DNM3: variants seen among roughly 807,000 people sequenced by gnomAD.
DNM3 encodes dynamin 3.
DNM3 carries 47 observed loss-of-function variants against 101.6 expected under a neutral mutation model. That is an observed-to-expected ratio of 0.46 (90% CI 0.37 to 0.59). DNM3 has a LOEUF of 0.59. Among genes scored for constraint, DNM3 ranks in the 20% least tolerant of loss-of-function variants. DNM3 has a pLI of 0.00. For synonymous variants in DNM3, 385 were observed against 387.9 expected (o/e 0.99, Z 0.09); for missense variants, 849 against 1,085.7 (o/e 0.78, Z 3.06).
At chr1:171,951,343 T>C (rs1196040163) in intron 2 of DNM3, among the ~76,000 whole-genome samples, 3 of 152,196 alleles carry the variant, frequency 2.0e-5, no homozygotes, top group Non-Finnish European at 4.4e-5. Context: ...TGGTGCCTAC[T>C]TGGTTATCAA....
intron 1 of DNM3, among the ~76,000 whole-genome samples, chr1:171,847,009 A>T (rs1158484619): frequency 1.3e-5 from 2 of 152,204 alleles, no homozygotes; most frequent in African/African-American, 2.4e-5. Flanking sequence ...GCTAGCAAGC[A>T]GCCAAGCTGG....
At chr1:172,178,615 G>C (rs963064651) in intron 14 of DNM3, among the ~76,000 whole-genome samples, 1 of 151,784 alleles carries the variant, frequency 6.6e-6, no homozygotes, top group Non-Finnish European at 1.5e-5. Context: ...GAGAGGGAGA[G>C]AGACAGAGAG....
At chr1:171,949,368 C>T (rs1311095988) in intron 2 of DNM3, among the ~76,000 whole-genome samples, 2 of 152,148 alleles carry the variant, frequency 1.3e-5, no homozygotes, top group African/African-American at 4.8e-5. Flanking sequence ...TACTCAACAT[C>T]AGTAGTCTTG....
At chr1:172,041,246 G>A (rs1471376761) in intron 7 of DNM3, among the ~76,000 whole-genome samples, 1 of 152,092 alleles carries the variant, frequency 6.6e-6, no homozygotes, top group Non-Finnish European at 1.5e-5. Context: ...TAATGGAGAA[G>A]AAATTACCTA....
intron 2 of DNM3, among the ~76,000 whole-genome samples, chr1:171,933,730 T>C (rs567944978): frequency 6.6e-6 from 1 of 152,040 alleles, no homozygotes; most frequent in African/African-American, 2.4e-5. Context: ...GGGAACATGA[T>C]AGAAGGATTA....
At chr1:172,389,362 T>A (rs1486841745) in intron 20 of DNM3, 2 of 157,130 alleles carry the variant, frequency 1.3e-5, no homozygotes, top group African/African-American at 4.9e-5. Flanking sequence ...ATAGGCATGA[T>A]TGTTGTATAC....
chr1:172,007,476 T>C (rs1227825603), intron 4 of DNM3, among the ~76,000 whole-genome samples: 2 of 152,168 alleles, frequency 1.3e-5, no homozygotes, highest in Admixed American at 1.3e-4. Flanking sequence ...CTATTTTAAA[T>C]TGAGTTGTGT....
chr1:172,073,076 A>G (rs2052334012), intron 11 of DNM3, among the ~76,000 whole-genome samples: 1 of 133,634 alleles, frequency 7.5e-6, no homozygotes, highest in African/African-American at 2.5e-5. Context: ...CAGAGAAGAG[A>G]AATATTAAAA....
intron 14 of DNM3, among the ~76,000 whole-genome samples, chr1:172,190,767 T>C (rs939628052): frequency 6.6e-6 from 1 of 152,234 alleles, no homozygotes; most frequent in African/African-American, 2.4e-5. Flanking sequence ...TGATGGCCAG[T>C]GATGATGAGC....
Position 172,172,428 on chromosome 1 carries a change from A to G in DNM3, c.1659+41140A>G, listed in dbSNP as rs532130721. 7.9e-5 allele frequency among the ~76,000 whole-genome samples: 12 copies of G among 151,800 alleles called. No individual in the cohort carries two copies. In the East Asian group the frequency reaches 2.1e-3, roughly 27 times the overall value. The stretch of plus-strand genomic sequence containing the variant: ...AGCAAAGACAGCATGGATACGTCGG[A>G]CAGAGGGATGATTCATATCCCAGGT... On this transcript the variant is annotated intron_variant, in intron 14 of 20. Transcript: ENST00000627582.
At chr1:171,984,643 C>T (rs569212433) in intron 2 of DNM3, among the ~76,000 whole-genome samples, 1 of 152,144 alleles carries the variant, frequency 6.6e-6, no homozygotes, top group Non-Finnish European at 1.5e-5. Context: ...TTATTTTCTC[C>T]ATAGCACTTA....
chr1:172,388,660 T>C lies in DNM3; in HGVS notation c.2373T>C (p.Pro791=), dbSNP rs2069339748. Residue 791 remains proline (P), a synonymous_variant, in exon 20 of 21, where the codon CCT becomes CCC. Transcript: ENST00000627582. ...CCACATCCGGCCGAGGACCAGCTCC[T>C]GCCATTCCCTCTCCTGGCCCCCACT... is the stretch of plus-strand genomic sequence containing the variant. ...ARPTSGRGPA[P]AIPSPGPHSG... 1.2e-6 allele frequency: 2 copies of C among 1,613,892 alleles called. No homozygotes were observed. Among genetic ancestry groups the C allele is most frequent in the African/African-American group, 2.7e-5 (2 of 74,928 alleles).
chr1:172,052,487 A>G (rs1159825672), intron 10 of DNM3, among the ~76,000 whole-genome samples: 2 of 152,190 alleles, frequency 1.3e-5, no homozygotes, highest in African/African-American at 4.8e-5. Flanking sequence ...AAAGTAGTTT[A>G]TGCTTTGCAT....
At chr1:172,155,386 A>G (rs2058298678) in intron 14 of DNM3, among the ~76,000 whole-genome samples, 1 of 151,986 alleles carries the variant, frequency 6.6e-6, no homozygotes, top group African/African-American at 2.4e-5. Context: ...CTTTCATTCC[A>G]TGGCTTAATT....
At chr1:172,198,832 G>A (rs556522437) in intron 14 of DNM3, among the ~76,000 whole-genome samples, 1 of 150,938 alleles carries the variant, frequency 6.6e-6, no homozygotes, top group East Asian at 2.0e-4. Flanking sequence ...TTAGAGGCCT[G>A]TCTTATTAAT....
At chr1:172,058,783 GA>G (rs2050876210) in intron 10 of DNM3, among the ~76,000 whole-genome samples, 2 of 151,212 alleles carry the variant, frequency 1.3e-5, no homozygotes, top group Admixed American at 6.6e-5. Flanking sequence ...ACAATTAAAA[GA>G]ACTAGAAAAG....
At chr1:172,102,635 T>C (rs1195132793) in intron 13 of DNM3, among the ~76,000 whole-genome samples, 1 of 152,190 alleles carries the variant, frequency 6.6e-6, no homozygotes, top group East Asian at 1.9e-4. Context: ...GGTTTTCTGC[T>C]ATGTTTTTAC....
chr1:172,376,165 A>G (rs1234348909), intron 17 of DNM3: 1 of 152,030 alleles, frequency 6.6e-6, no homozygotes, highest in African/African-American at 2.4e-5. Flanking sequence ...GTTAAATTAG[A>G]TTTCTCAATA....
chr1:172,021,331 A>G (rs1241763095), intron 4 of DNM3, among the ~76,000 whole-genome samples: 2 of 151,744 alleles, frequency 1.3e-5, no homozygotes, highest in Admixed American at 6.6e-5. Context: ...TAATTACCCA[A>G]GTATGGTGGT....
Sources: gnomAD v4.1 joint callset for allele counts (sites outside exome capture counted in the v4.1 genomes callset) on GRCh38, gnomAD v4.1.1 for gene constraint, MANE v1.5 for transcripts, NCBI Gene and HGNC (gene_info 2026-07-23, HGNC 2026-07-21) for gene names.